Variants in RFC1 observed in about 807,000 individuals in gnomAD.
RFC1 encodes the protein replication factor C subunit 1, also known as A1 140 kDa subunit.
RFC1 carries 37 observed loss-of-function variants against 137.4 expected under a neutral mutation model. That is an observed-to-expected ratio of 0.27 (90% CI 0.21 to 0.35). The LOEUF (loss-of-function observed/expected upper bound fraction) is 0.35. RFC1 is among the 10% of genes least tolerant of loss of function. The pLI, the probability that RFC1 is intolerant of heterozygous loss-of-function variation, is 1.00. For synonymous variants in RFC1, 429 were observed against 455.7 expected, an observed-to-expected ratio of 0.94 and a Z score of 0.75; for missense variants, 1,205 against 1,358.5, an observed-to-expected ratio of 0.89 and a Z score of 1.78.
intron 1 of RFC1, among the ~76,000 whole-genome samples, chr4:39,362,336 C>A (rs1046614473): frequency 1.3e-5 from 2 of 152,044 alleles, no homozygotes; most frequent in Non-Finnish European, 2.9e-5. Flanking sequence ...ATGGAATAGC[C>A]AAGACAATCT....
chr4:39,320,763 AGAATATACCCT>A (rs775500862), intron 8 of RFC1, 94 bp from the exon 9 acceptor site: 83 of 1,261,976 alleles, frequency 6.6e-5, no homozygotes, highest in Non-Finnish European at 8.1e-5. Context: ...ATCTTAGCAC[AGAATATACCCT>A]GAAGGCCCAA....
Position 39,302,319 on chromosome 4 carries a change from C to T in RFC1, c.2494G>A (p.Ala832Thr), listed in dbSNP as rs946365296. 6.2e-7 allele frequency: 1 copy of T among 1,613,142 alleles called. No homozygotes were observed. ...TTGGCTCTGTGAGAATCAGCTTTGG[C>T]CTGGTCATAGGTTAATGCTTTACTT... ...ARSKALTYDQ[A>T]KADSHRAKKD... The change falls in exon 19 of 25, where the codon GCC (alanine) becomes ACC (threonine). Residue 832 changes from alanine (A) to threonine (T), a missense_variant. Physicochemically the swap from Ala to Thr is moderately conservative, Grantham distance 58. This residue lies in a region of RFC1 where 962 missense variants were observed against 1,035.3 expected (regional missense o/e 0.93). Transcript: ENST00000349703.
chr4:39,349,060 C>T (rs1741053952), intron 2 of RFC1, among the ~76,000 whole-genome samples: 1 of 29,670 alleles, frequency 3.4e-5, no homozygotes, highest in South Asian at 1.9e-3. Context: ...TTCACAGGTT[C>T]ACAGCAAAAG....
intron 21 of RFC1, among the ~76,000 whole-genome samples, chr4:39,299,306 G>A (rs1187221209): frequency 1.3e-5 from 2 of 152,082 alleles, no homozygotes; most frequent in Non-Finnish European, 2.9e-5. Context: ...GAGGCTCTCA[G>A]CTCTGAAGGC....
In RFC1 at chr4:39,288,481, A is replaced by C. The variant is rs993126194; in HGVS notation, c.*280T>G. ...AAATCTGACTCCAAAGCCCAGGTGT[A>C]GTTTCTAGTTCCAATTCTACAGTCA... On this transcript the variant is annotated 3_prime_UTR_variant, in exon 25 of 25. Coordinates refer to ENST00000349703, the MANE Select transcript of RFC1 (RefSeq NM_002913.5). 3.7e-6 allele frequency: 1 copy of C among 266,992 alleles called. No individual in the cohort carries two copies. Among genetic ancestry groups the C allele is most frequent in the South Asian group, 1.3e-4 (1 of 7,454 alleles). The allele number at this position is 266,992 out of a possible 1,614,324, so 16.5% of individuals were successfully genotyped here. A position where few individuals can be genotyped will look rare whatever the true frequency, so the allele number is the denominator to read the frequency against.
At position 39,304,849 on chromosome 4, in the gene RFC1, G is replaced by A. The variant is rs1215653913; in HGVS notation, c.2075C>T (p.Ser692Leu). The stretch of plus-strand genomic sequence containing the variant: ...GCCTTTGATGCTGGTATTGTTCAGT[G>A]ACTCAGCAACAATCGCCTTCAAACT... ...KSSLKAIVAE[S>L]LNNTSIKGFY... Residue 692 changes from serine (S) to leucine (L), a missense_variant, in exon 15 of 25, where the codon TCA (serine) becomes TTA (leucine). Ser to Leu is a moderately radical substitution (Grantham distance 145, BLOSUM62 -2). Coordinates refer to ENST00000349703, the MANE Select transcript of RFC1 (RefSeq NM_002913.5). 1 of 1,612,064 alleles carries A rather than the reference G, an allele frequency of 6.2e-7. No individual in the cohort carries two copies.
rs767829817 is a variant in RFC1 at position 39,300,125 on chromosome 4, T to C, written c.2704A>G (p.Lys902Glu). The C allele has an allele frequency of 2.5e-6, 4 of 1,613,918 alleles. 1 individual carries two copies. The South Asian group carries it at 4.4e-5, about 18-fold the overall frequency. Reference sequence around the variant, plus strand: ...GCTCTGCTTAAAAGCATCAGGTGCTTTTTCATGTCACCCCTGCAGGAAAGA... The same window carrying C: ...GCTCTGCTTAAAAGCATCAGGTGCTCTTTCATGTCACCCCTGCAGGAAAGA... ...KPVAAGGDMKKHLMLLSRAAD... is the reference protein window; with the variant it reads ...KPVAAGGDMKEHLMLLSRAAD... The change falls in exon 21 of 25, where the codon AAG (lysine) becomes GAG (glutamate). Residue 902 changes from lysine (K) to glutamate (E), a missense_variant. Physicochemically the swap from Lys to Glu is moderately conservative, Grantham distance 56. Transcript: ENST00000349703.
At chr4:39,361,376 G>A (rs377709282) in intron 1 of RFC1, among the ~76,000 whole-genome samples, 12 of 152,164 alleles carry the variant, frequency 7.9e-5, no homozygotes, top group African/African-American at 1.9e-4. Context: ...GTAACAGCGC[G>A]ACTGCGTTTC....
intron 10 of RFC1, among the ~76,000 whole-genome samples, chr4:39,313,626 A>C (rs551615395): frequency 3.3e-5 from 5 of 152,220 alleles, no homozygotes; most frequent in Non-Finnish European, 7.3e-5. Flanking sequence ...GTGGTGTGGC[A>C]TATCTGAAGG....
Position 39,308,774 on chromosome 4 carries a change from T to C in RFC1, c.1747A>G (p.Asn583Asp), listed in dbSNP as rs1738816365. 6.2e-7 allele frequency: 1 copy of C among 1,614,040 alleles called. No homozygotes were observed. Among genetic ancestry groups the C allele is most frequent in the African/African-American group, 1.3e-5 (1 of 74,910 alleles). Residue 583 changes from asparagine (N) to aspartate (D), a missense_variant, in exon 13 of 25, where the codon AAT (asparagine) becomes GAT (aspartate). Physicochemically the swap from Asn to Asp is conservative, Grantham distance 23. Coordinates refer to ENST00000349703, the MANE Select transcript of RFC1 (RefSeq NM_002913.5). ...TTATATTTATCCACCCAGAGCAAATTTTCCACTTTGTTTTCACTGCTGTCA... is the reference window on the plus strand; with the variant it reads ...TTATATTTATCCACCCAGAGCAAATCTTCCACTTTGTTTTCACTGCTGTCA... ...ADDSSENKVE[N>D]LLWVDKYKPT...
chr4:39,329,478 T>C (rs1230693026), intron 4 of RFC1, among the ~76,000 whole-genome samples: 3 of 151,702 alleles, frequency 2.0e-5, no homozygotes, highest in Admixed American at 6.6e-5. Flanking sequence ...TAGTCCCAGC[T>C]ACTCCGGAGG....
intron 20 of RFC1, 35 bp downstream of exon 20, chr4:39,300,225 A>G (rs769240693): frequency 6.2e-7 from 1 of 1,613,614 alleles, no homozygotes; most frequent in South Asian, 1.1e-5. Context: ...AGTGCTGGAT[A>G]CTAAGCACAC....
At chr4:39,341,962 C>T (rs890038433) in intron 4 of RFC1, among the ~76,000 whole-genome samples, 11 of 152,184 alleles carry the variant, frequency 7.2e-5, no homozygotes, top group African/African-American at 2.4e-4. Context: ...ATTCAACATC[C>T]GTGCTAAATT....
intron 13 of RFC1, among the ~76,000 whole-genome samples, chr4:39,307,225 G>GA (rs1432269680): frequency 6.6e-6 from 1 of 152,164 alleles, no homozygotes; most frequent in Non-Finnish European, 1.5e-5. Flanking sequence ...GTCACAAGAA[G>GA]AAAAAATGAC....
rs1249787584 is a variant in RFC1, at chr4:39,291,813, C to T, written c.2994G>A (p.Leu998=). 2 of 1,614,004 alleles carry T rather than the reference C, an allele frequency of 1.2e-6. No individual in the cohort carries two copies. The highest frequency in any genetic ancestry group is 1.3e-5 in the African/African-American group (1 of 74,924). ...GTACAAGTGCATCCCTTAGAAGCGA[C>T]AGATAATCCATGTTTACAGTCCTTT... ...SSKRTVNMDY[L]SLLRDALVQP... The change falls in exon 23 of 25, where the codon CTG becomes CTA. Residue 998 remains leucine (L), a synonymous_variant. Transcript: ENST00000349703.
intron 2 of RFC1, among the ~76,000 whole-genome samples, chr4:39,348,369 G>C (rs1373228591): frequency 1.4e-5 from 2 of 145,546 alleles, no homozygotes; most frequent in African/African-American, 5.1e-5. Context: ...GTTGCAGTGA[G>C]CCGAGATTGC....
intron 6 of RFC1, among the ~76,000 whole-genome samples, 176 bp downstream of exon 6, chr4:39,326,387 T>C (rs1471615391): frequency 6.6e-6 from 1 of 152,246 alleles, no homozygotes; most frequent in Non-Finnish European, 1.5e-5. Flanking sequence ...AATCTTTCAG[T>C]AAATAATTCT....
At chr4:39,351,253 GAAAAAAAAAAAAA>G (rs58906519) in intron 2 of RFC1, 82 bp downstream of exon 2, 3,268 of 314,420 alleles carry the variant, frequency 0.01, 14 homozygotes, top group East Asian at 0.015. Flanking sequence ...TCTGTCTCAG[GAAAAAAAAAAAAA>G]AAAAAAAAAA....
chr4:39,317,520 T>C (rs1739302266), intron 9 of RFC1, among the ~76,000 whole-genome samples: 1 of 152,092 alleles, frequency 6.6e-6, no homozygotes, highest in African/African-American at 2.4e-5. Context: ...AACAGTCAGC[T>C]CAAAGAAGGT....
Sources: allele counts gnomAD v4.1 joint callset (sites outside exome capture counted in the v4.1 genomes callset), GRCh38; gene constraint gnomAD v4.1.1; regional missense constraint gnomAD v4.1.1; transcripts MANE v1.5; gene names NCBI Gene and HGNC (gene_info 2026-07-23, HGNC 2026-07-21).